ADCY8: variants seen among roughly 807,000 people sequenced by gnomAD.
ADCY8 encodes adenylate cyclase type 8.
Under a neutral mutation model 119.7 loss-of-function variants are expected in ADCY8, and 51 were observed. That is an observed-to-expected ratio of 0.43 (90% CI 0.34 to 0.54). The LOEUF is 0.54. Ranked by LOEUF, ADCY8 falls within the 20% of genes least tolerant of loss-of-function variation. ADCY8 has a pLI of 0.03. For missense variants in ADCY8, 1,383 were observed against 1,598.8 expected (o/e 0.87, Z 2.30); for synonymous variants, 665 against 651.0 (o/e 1.02, Z -0.33).
At chr8:130,937,043 C>A (rs1305299721) in intron 5 of ADCY8, 30 bp downstream of exon 5, 1 of 1,591,836 alleles carries the variant, frequency 6.3e-7, no homozygotes, top group Non-Finnish European at 8.6e-7. Flanking sequence ...CATTGAAGAC[C>A]CAGGTAACAT....
chr8:130,876,508 AAG>A (rs746099385), intron 8 of ADCY8, among the ~76,000 whole-genome samples: 11 of 152,066 alleles, frequency 7.2e-5, no homozygotes, highest in Non-Finnish European at 1.5e-4. Context: ...CCACTGGCCT[AAG>A]AAAAAATGTT....
chr8:131,028,294 G>A (rs1234262920), intron 1 of ADCY8, among the ~76,000 whole-genome samples: 1 of 152,234 alleles, frequency 6.6e-6, no homozygotes, highest in Non-Finnish European at 1.5e-5. Context: ...GGCTTGGGCA[G>A]GGCCCAAAGA....
chr8:130,832,582 G>T (rs1563683488), intron 12 of ADCY8, among the ~76,000 whole-genome samples: 1 of 152,066 alleles, frequency 6.6e-6, no homozygotes, highest in Non-Finnish European at 1.5e-5. Flanking sequence ...ATTTCTTATT[G>T]ATTTCATTCC....
At chr8:130,876,218 T>C (rs777705491) in intron 8 of ADCY8, among the ~76,000 whole-genome samples, 2 of 152,094 alleles carry the variant, frequency 1.3e-5, no homozygotes, top group Non-Finnish European at 2.9e-5. Flanking sequence ...ACCTGGCTAA[T>C]ATTTGTATTT....
At chr8:130,954,387 A>G (rs1205585582) in intron 2 of ADCY8, among the ~76,000 whole-genome samples, 1 of 152,210 alleles carries the variant, frequency 6.6e-6, no homozygotes, top group Non-Finnish European at 1.5e-5. Context: ...CTGAAATTCA[A>G]GTCCATGGAC....
At chr8:130,895,078 C>T (rs1397155293) in intron 7 of ADCY8, among the ~76,000 whole-genome samples, 1 of 152,138 alleles carries the variant, frequency 6.6e-6, no homozygotes, top group East Asian at 1.9e-4. Flanking sequence ...AATCCCACTT[C>T]TTTGTTTTCA....
intron 12 of ADCY8, among the ~76,000 whole-genome samples, chr8:130,826,280 G>T (rs1185131539): frequency 2.6e-5 from 4 of 152,168 alleles, no homozygotes. Context: ...GAACTATTAA[G>T]TATTGTATAT....
chr8:130,971,743 C>T (rs544994607), intron 2 of ADCY8, among the ~76,000 whole-genome samples: 13 of 152,048 alleles, frequency 8.5e-5, no homozygotes, highest in Non-Finnish European at 1.8e-4. Context: ...CAGACTTTAG[C>T]TAGATGGATA....
chr8:130,827,769 T>C (rs1816711781), intron 12 of ADCY8, among the ~76,000 whole-genome samples: 1 of 152,200 alleles, frequency 6.6e-6, no homozygotes, highest in South Asian at 2.1e-4. Flanking sequence ...ACAACATTCA[T>C]TGAAATGGTA....
At chr8:130,851,398 G>A (rs1222280622) in intron 9 of ADCY8, among the ~76,000 whole-genome samples, 6 of 152,212 alleles carry the variant, frequency 3.9e-5, no homozygotes, top group Non-Finnish European at 2.9e-5. Flanking sequence ...TAAAGAGAAG[G>A]CTTGCAGGTA....
chr8:130,963,619 A>AG (rs1294638515), intron 2 of ADCY8, among the ~76,000 whole-genome samples: 2 of 152,112 alleles, frequency 1.3e-5, no homozygotes, highest in Non-Finnish European at 2.9e-5. Context: ...ATGACAGGAG[A>AG]GGGGGAGAGA....
intron 1 of ADCY8, among the ~76,000 whole-genome samples, chr8:130,991,131 A>G (rs927856967): frequency 6.6e-6 from 1 of 152,176 alleles, no homozygotes; most frequent in East Asian, 1.9e-4. Context: ...TGGACTCTTA[A>G]ATTGGGCTTC....
At chr8:130,830,034 C>A (rs777131625) in intron 12 of ADCY8, among the ~76,000 whole-genome samples, 2 of 152,162 alleles carry the variant, frequency 1.3e-5, no homozygotes, top group Non-Finnish European at 2.9e-5. Flanking sequence ...AGCCAGAAAC[C>A]TTTGTCATCC....
intron 9 of ADCY8, among the ~76,000 whole-genome samples, chr8:130,854,820 TC>T (rs1817659449): frequency 3.9e-5 from 1 of 25,420 alleles, no homozygotes; most frequent in Non-Finnish European, 8.3e-5. Context: ...CCTCCCTCCC[TC>T]CCTCCCTCCC....
chr8:130,838,197 G>A (rs1817045025), intron 11 of ADCY8, among the ~76,000 whole-genome samples: 1 of 152,148 alleles, frequency 6.6e-6, no homozygotes, highest in Non-Finnish European at 1.5e-5. Context: ...TGTCCTGACT[G>A]TGTTCTCTCA....
At chr8:130,794,151 A>G (rs1470765762) in intron 15 of ADCY8, among the ~76,000 whole-genome samples, 1 of 152,174 alleles carries the variant, frequency 6.6e-6, no homozygotes, top group Non-Finnish European at 1.5e-5. Flanking sequence ...AGTTTTCCCT[A>G]GAGCCTTCAG....
chr8:131,017,183 C>T (rs781159314), intron 1 of ADCY8, among the ~76,000 whole-genome samples: 3 of 151,968 alleles, frequency 2.0e-5, no homozygotes, highest in African/African-American at 4.8e-5. Flanking sequence ...GATTCTCATA[C>T]CTCAGCCTCC....
At chr8:130,992,714 C>CA (rs1028007915) in intron 1 of ADCY8, among the ~76,000 whole-genome samples, 5 of 150,584 alleles carry the variant, frequency 3.3e-5, no homozygotes, top group Admixed American at 6.6e-5. Context: ...CACGGACAGC[C>CA]AAAAAAAAAT....
chr8:131,022,863 A>G (rs576668464), intron 1 of ADCY8, among the ~76,000 whole-genome samples: 2 of 152,274 alleles, frequency 1.3e-5, no homozygotes, highest in African/African-American at 4.8e-5. Flanking sequence ...CCTCAAGTCT[A>G]GCACATAGTA....
Sources: gnomAD v4.1 joint callset for allele counts (sites outside exome capture counted in the v4.1 genomes callset) on GRCh38, gnomAD v4.1.1 for gene constraint, MANE v1.5 for transcripts, NCBI Gene and HGNC (gene_info 2026-07-23, HGNC 2026-07-21) for gene names.